CHRDL1: variants seen among roughly 807,000 people sequenced by gnomAD.
CHRDL1 encodes chordin like 1.
In CHRDL1, 19 loss-of-function variants were observed where a neutral mutation model predicts 40.9. The observed-to-expected ratio is 0.46, with a 90% CI of 0.32 to 0.68. The LOEUF (loss-of-function observed/expected upper bound fraction) is 0.68, where lower values mean the gene tolerates loss of function less well. CHRDL1 is among the 30% of genes least tolerant of loss of function. CHRDL1 has a pLI of 0.03. For synonymous variants in CHRDL1, 136 were observed against 123.4 expected (o/e 1.10, Z -0.68); for missense variants, 329 against 352.1 (o/e 0.93, Z 0.53).
chrX:110,706,467 C>T (rs2070642159), intron 6 of CHRDL1, among the ~76,000 whole-genome samples: 1 of 111,774 alleles, frequency 8.9e-6, no homozygotes, highest in African/African-American at 3.3e-5. Context: ...CCCTATGAAG[C>T]TGTAATGGGT....
intron 4 of CHRDL1, among the ~76,000 whole-genome samples, chrX:110,748,392 TC>T (rs762407070): frequency 9.0e-6 from 1 of 111,627 alleles, no homozygotes; most frequent in Admixed American, 9.5e-5. Flanking sequence ...AGTAATCAGC[TC>T]CTAATAGATG....
At chrX:110,697,830 A>G (rs940985195) in intron 7 of CHRDL1, among the ~76,000 whole-genome samples, 20 of 75,514 alleles carry the variant, frequency 2.6e-4, no homozygotes, top group African/African-American at 2.6e-3. Context: ...ACACACACAC[A>G]CACACACACA....
intron 9 of CHRDL1, among the ~76,000 whole-genome samples, chrX:110,686,303 T>C (rs1182607190): frequency 3.6e-5 from 4 of 112,017 alleles, no homozygotes; most frequent in African/African-American, 9.7e-5. Context: ...AATTTTTTAA[T>C]TGAATCATCT....
intron 2 of CHRDL1, among the ~76,000 whole-genome samples, chrX:110,791,528 G>A (rs2090100218): frequency 8.9e-6 from 1 of 111,860 alleles, no homozygotes; most frequent in African/African-American, 3.3e-5. Flanking sequence ...GCTTTGCGGG[G>A]ATGTTCTTTT....
At chrX:110,781,760 G>A (rs747881917) in intron 2 of CHRDL1, among the ~76,000 whole-genome samples, 6 of 111,858 alleles carry the variant, frequency 5.4e-5, no homozygotes, top group Admixed American at 9.5e-5. Context: ...TGACTTGCAG[G>A]AAAGTCTGTT....
intron 4 of CHRDL1, among the ~76,000 whole-genome samples, chrX:110,756,062 T>C (rs1016144664): frequency 8.9e-6 from 1 of 112,374 alleles, no homozygotes; most frequent in African/African-American, 3.2e-5. Flanking sequence ...AGCTATTTAC[T>C]CTTGTTTTAT....
In CHRDL1 at chrX:110,674,570, G is replaced by A. The variant is rs2069737369; in HGVS notation, c.*1661C>T. ...TCTCTCTTCCAAGGAGAACGTGTGT[G>A]ATGTGCTGGTGAGAGTCTTGTCCCA... On this transcript the variant is annotated 3_prime_UTR_variant, in exon 12 of 12. Coordinates refer to ENST00000372042, the MANE Select transcript of CHRDL1 (RefSeq NM_001143981.2). 1 of 111,167 alleles carries A rather than the reference G, an allele frequency of 9.0e-6. No individual in the cohort carries two copies. The highest frequency in any genetic ancestry group is 1.9e-5 in the Non-Finnish European group (1 of 53,046). The allele number at this position is 111,167 out of a possible 1,213,427, so 9.2% of individuals were successfully genotyped here.
intron 4 of CHRDL1, among the ~76,000 whole-genome samples, chrX:110,755,246 T>C (rs1316655498): frequency 9.0e-6 from 1 of 111,264 alleles, no homozygotes; most frequent in East Asian, 2.8e-4. Flanking sequence ...AGCACTGTGG[T>C]ATGTGACTAA....
At chrX:110,793,038 G>A (rs1298288931) in intron 1 of CHRDL1, among the ~76,000 whole-genome samples, 6 of 112,270 alleles carry the variant, frequency 5.3e-5, no homozygotes, top group Admixed American at 1.9e-4. Flanking sequence ...AACACAGAAA[G>A]TTTGCTGTAG....
intron 6 of CHRDL1, among the ~76,000 whole-genome samples, chrX:110,702,248 T>A (rs1348128113): frequency 2.7e-5 from 3 of 111,462 alleles, no homozygotes; most frequent in East Asian, 2.8e-4. Context: ...GCTTCCGTGC[T>A]GTAGCTCATG....
chrX:110,679,249 A>C, intron 11 of CHRDL1, 87 bp downstream of exon 11: 2 of 634,736 alleles, frequency 3.2e-6, no homozygotes, highest in Non-Finnish European at 5.3e-6. Context: ...ATGTTCACTG[A>C]GATTGCGGAG....
intron 6 of CHRDL1, among the ~76,000 whole-genome samples, chrX:110,716,761 T>A (rs1490642262): frequency 9.0e-6 from 1 of 111,090 alleles, no homozygotes; most frequent in Non-Finnish European, 1.9e-5. Flanking sequence ...TTGTGCTAGG[T>A]CTTGAAGGAC....
chrX:110,785,297 A>T (rs1297275131), intron 2 of CHRDL1, among the ~76,000 whole-genome samples: 2 of 111,903 alleles, frequency 1.8e-5, no homozygotes, highest in Non-Finnish European at 3.8e-5. Context: ...AATTGATCTT[A>T]AGTGAAACAA....
chrX:110,681,406 G>T, intron 10 of CHRDL1, 76 bp downstream of exon 10: 1 of 934,313 alleles, frequency 1.1e-6, no homozygotes, highest in Non-Finnish European at 1.5e-6. Flanking sequence ...ACAGGTTGAA[G>T]CAAAATTAAA....
chrX:110,752,397 C>A (rs563128716), intron 4 of CHRDL1, among the ~76,000 whole-genome samples: 23 of 111,660 alleles, frequency 2.1e-4, no homozygotes, highest in Non-Finnish European at 2.3e-4. Flanking sequence ...AGGTTTTAAC[C>A]CCTTGTACTG....
intron 2 of CHRDL1, 128 bp from the exon 3 acceptor site, chrX:110,762,935 A>T: frequency 2.1e-6 from 1 of 482,702 alleles, no homozygotes; most frequent in Non-Finnish European, 3.6e-6. Context: ...GTATTTATAG[A>T]ATTCCTATTA....
intron 11 of CHRDL1, among the ~76,000 whole-genome samples, chrX:110,677,473 C>T (rs939664055): frequency 3.6e-5 from 4 of 111,597 alleles, no homozygotes; most frequent in African/African-American, 1.3e-4. Context: ...ATACCTTCTA[C>T]TCCATTATAT....
At chrX:110,721,600 G>T in intron 4 of CHRDL1, 70 bp from the exon 5 acceptor site, 1 of 902,568 alleles carries the variant, frequency 1.1e-6, no homozygotes. Context: ...AATCCCAACA[G>T]CAGACGGGGC....
rs140631538 is a variant in CHRDL1, at chrX:110,734,341, T to G, written c.302-12811A>C. On this transcript the variant is annotated intron_variant, in intron 4 of 11. Transcript: ENST00000372042. ...ATGCACACTTGTTTTCAGCTTTCTG[T>G]GTGCTGAGAGTACTTACTTGTGGAA... Among the ~76,000 whole-genome samples the G allele has an allele frequency of 3.1e-4, 35 of 112,297 alleles. No homozygotes were observed. In the East Asian group the frequency reaches 5.9e-3, roughly 19 times the overall value.
Sources: gnomAD v4.1 joint callset for allele counts (sites outside exome capture counted in the v4.1 genomes callset) on GRCh38, gnomAD v4.1.1 for gene constraint, MANE v1.5 for transcripts, NCBI Gene and HGNC (gene_info 2026-07-23, HGNC 2026-07-21) for gene names.